Variants in EPB41L2 observed in about 807,000 individuals in gnomAD.
EPB41L2 encodes band 4.1-like protein 2.
EPB41L2 carries 43 observed loss-of-function variants against 113.0 expected under a neutral mutation model. That is an observed-to-expected ratio of 0.38 (90% CI 0.30 to 0.49). The LOEUF (loss-of-function observed/expected upper bound fraction) is 0.49, where lower values mean the gene tolerates loss of function less well. EPB41L2 is among the 20% of genes least tolerant of loss of function. The pLI, the probability that EPB41L2 is intolerant of heterozygous loss-of-function variation, is 0.95. For missense variants in EPB41L2, 1,147 were observed against 1,223.4 expected (o/e 0.94, Z 0.93); for synonymous variants, 442 against 436.7 (o/e 1.01, Z -0.15).
intron 14 of EPB41L2, chr6:130,872,296 G>A: frequency 8.7e-7 from 1 of 1,154,306 alleles, no homozygotes; most frequent in Non-Finnish European, 1.1e-6. Flanking sequence ...AGGGAATGGT[G>A]CCTGAATATT....
intron 1 of EPB41L2, among the ~76,000 whole-genome samples, chr6:131,001,581 G>A (rs12202482): frequency 0.066 from 10,018 of 152,030 alleles, 473 homozygotes; most frequent in Non-Finnish European, 0.1. Flanking sequence ...CATCTCTACC[G>A]GAGTTTCCCC....
chr6:130,946,851 T>C (rs1813016178), intron 3 of EPB41L2, among the ~76,000 whole-genome samples: 1 of 152,090 alleles, frequency 6.6e-6, no homozygotes, highest in Non-Finnish European at 1.5e-5. Flanking sequence ...TATAGCAATA[T>C]TCACATTAAA....
At chr6:130,896,475 C>T (rs1044054854) in intron 8 of EPB41L2, among the ~76,000 whole-genome samples, 28 of 152,148 alleles carry the variant, frequency 1.8e-4, no homozygotes, top group Admixed American at 1.0e-3. Context: ...TTGCCCGAGA[C>T]GGCATGTTCT....
chr6:130,976,205 T>C (rs1778156494), intron 1 of EPB41L2, among the ~76,000 whole-genome samples: 1 of 152,158 alleles, frequency 6.6e-6, no homozygotes, highest in African/African-American at 2.4e-5. Flanking sequence ...TTTTTAACGT[T>C]TTTAAAAATG....
intron 19 of EPB41L2, among the ~76,000 whole-genome samples, chr6:130,849,446 C>G (rs1778111535): frequency 6.6e-6 from 1 of 152,084 alleles, no homozygotes; most frequent in African/African-American, 2.4e-5. Context: ...GCATTTGTGA[C>G]TAAGAGGTTA....
chr6:130,915,825 T>C (rs1269348459), intron 4 of EPB41L2, among the ~76,000 whole-genome samples: 2 of 152,162 alleles, frequency 1.3e-5, no homozygotes, highest in Non-Finnish European at 2.9e-5. Flanking sequence ...GCTCTCTCTC[T>C]CTGCCTGCCA....
chr6:131,059,702 A>G (rs1798304962), intron 1 of EPB41L2, among the ~76,000 whole-genome samples: 2 of 152,214 alleles, frequency 1.3e-5, no homozygotes, highest in Non-Finnish European at 2.9e-5. Flanking sequence ...CTAAGAGTGG[A>G]TCTGCTGACT....
chr6:130,944,209 A>AG (rs1240629520), intron 3 of EPB41L2, among the ~76,000 whole-genome samples: 1 of 151,326 alleles, frequency 6.6e-6, no homozygotes, highest in African/African-American at 2.4e-5. Flanking sequence ...ACACACACAA[A>AG]TGCCCAAATC....
chr6:130,995,088 G>T (rs1782771566), intron 1 of EPB41L2, among the ~76,000 whole-genome samples: 1 of 152,212 alleles, frequency 6.6e-6, no homozygotes, highest in South Asian at 2.1e-4. Context: ...TGTAATCCCA[G>T]CACTTTGGGA....
intron 1 of EPB41L2, among the ~76,000 whole-genome samples, chr6:130,960,171 C>CGG (rs1818867997): frequency 6.6e-6 from 1 of 152,184 alleles, no homozygotes; most frequent in East Asian, 1.9e-4. Context: ...TATACCTTCC[C>CGG]TCACACACAC....
chr6:130,887,288 C>A (rs1486193856), intron 11 of EPB41L2, among the ~76,000 whole-genome samples: 1 of 152,182 alleles, frequency 6.6e-6, no homozygotes, highest in African/African-American at 2.4e-5. Context: ...CCCAAGATAC[C>A]AAATGGCTAA....
chr6:131,041,703 C>T (rs1469442399), intron 1 of EPB41L2, among the ~76,000 whole-genome samples: 1 of 151,736 alleles, frequency 6.6e-6, no homozygotes, highest in East Asian at 1.9e-4. Flanking sequence ...AGAGTTTCAA[C>T]AAATCAATTG....
intron 1 of EPB41L2, among the ~76,000 whole-genome samples, chr6:131,037,994 T>C (rs1793702993): frequency 6.6e-6 from 1 of 152,208 alleles, no homozygotes; most frequent in African/African-American, 2.4e-5. Flanking sequence ...TTATGTCCTT[T>C]AAAAATGTTT....
intron 4 of EPB41L2, among the ~76,000 whole-genome samples, chr6:130,923,767 C>T (rs1299596244): frequency 6.6e-6 from 1 of 152,186 alleles, no homozygotes; most frequent in Non-Finnish European, 1.5e-5. Flanking sequence ...TCACCGTTTA[C>T]GGTTAGAGCC....
In EPB41L2 at chr6:131,027,226, T is replaced by C. The variant is rs537729056; in HGVS notation, c.-15+35929A>G. The stretch of plus-strand genomic sequence containing the variant: ...GGCTGGGTTTGGAGTTATTGGTTTT[T>C]TTGTTTGTTTTTTTGTCTTTTCTTT... On this transcript the variant is annotated intron_variant, in intron 1 of 19. Transcript: ENST00000337057. Among the ~76,000 whole-genome samples the C allele has an allele frequency of 3.4e-3, 518 of 152,356 alleles. 5 individuals are homozygous for C. Among genetic ancestry groups the C allele is most frequent in the African/African-American group, 0.012 (497 of 41,576 alleles).
At chr6:130,919,816 T>C (rs1451268577) in intron 4 of EPB41L2, among the ~76,000 whole-genome samples, 1 of 152,180 alleles carries the variant, frequency 6.6e-6, no homozygotes, top group Admixed American at 6.5e-5. Flanking sequence ...CCATCCCAAA[T>C]GTATGACCCC....
chr6:130,984,931 G>C (rs1780194043), intron 1 of EPB41L2, among the ~76,000 whole-genome samples: 1 of 152,314 alleles, frequency 6.6e-6, no homozygotes, highest in African/African-American at 2.4e-5. Flanking sequence ...AGGAAAAAGG[G>C]ACAAGAACCT....
chr6:130,940,504 C>T lies in EPB41L2; in HGVS notation c.706-13795G>A, dbSNP rs143436274. ...TTTGGGAGATGGAGTCTCACTCTGT[C>T]GCCCAGGCTGCACTGCAGTGGCATG... On this transcript the variant is annotated intron_variant, in intron 3 of 19. Coordinates refer to ENST00000337057, the MANE Select transcript of EPB41L2 (RefSeq NM_001431.4). Among the ~76,000 whole-genome samples, 590 of 149,472 alleles carry T rather than the reference C, an allele frequency of 3.9e-3. 5 individuals are homozygous for T. The highest frequency in any genetic ancestry group is 0.014 in the African/African-American group (567 of 40,172).
At chr6:131,036,257 T>G (rs1332900357) in intron 1 of EPB41L2, among the ~76,000 whole-genome samples, 2 of 152,072 alleles carry the variant, frequency 1.3e-5, no homozygotes, top group Non-Finnish European at 2.9e-5. Flanking sequence ...AATATATAGC[T>G]GTATAGAAGT....
Sources: allele counts gnomAD v4.1 joint callset (sites outside exome capture counted in the v4.1 genomes callset), GRCh38; gene constraint gnomAD v4.1.1; transcripts MANE v1.5; gene names NCBI Gene and HGNC (gene_info 2026-07-23, HGNC 2026-07-21).